CAMTA1: variants seen among roughly 807,000 people sequenced by gnomAD.
CAMTA1 encodes calmodulin-binding transcription activator 1.
CAMTA1 carries 27 observed loss-of-function variants against 170.9 expected under a neutral mutation model. The ratio of observed to expected loss-of-function variants is 0.16; its 90% CI spans 0.12 to 0.22. The LOEUF is 0.22. Ranked by LOEUF, CAMTA1 falls within the 10% of genes least tolerant of loss-of-function variation. The pLI, the probability that CAMTA1 is intolerant of heterozygous loss-of-function variation, is 1.00. For missense variants in CAMTA1, 1,619 were observed against 2,217.2 expected, an observed-to-expected ratio of 0.73 and a Z score of 5.42; for synonymous variants, 833 against 891.5, an observed-to-expected ratio of 0.93 and a Z score of 1.17.
chr1:6,840,620 C>A (rs951136425), intron 3 of CAMTA1, among the ~76,000 whole-genome samples: 3 of 152,144 alleles, frequency 2.0e-5, no homozygotes, highest in African/African-American at 7.2e-5. Context: ...GAATAGGCAA[C>A]TTCCATAAGT....
chr1:7,664,065 G>A lies in CAMTA1; in HGVS notation c.1518G>A (p.Glu506=), dbSNP rs753608160. 4.3e-6 allele frequency: 7 copies of A among 1,613,778 alleles called. No homozygotes were observed. The East Asian group carries it at 1.6e-4, about 36-fold the overall frequency. Reference sequence around the variant, plus strand: ...ACGGGGGTGGAGGCCTGAAAGCCGAGATGGTCAGCTCCAACATCCGGCACT... The same window carrying A: ...ACGGGGGTGGAGGCCTGAAAGCCGAAATGGTCAGCTCCAACATCCGGCACT... ...QTYGGGGLKA[E]MVSSNIRHSP... The change falls in exon 9 of 23, where the codon GAG becomes GAA. Residue 506 remains glutamate (E), a synonymous_variant. Coordinates refer to ENST00000303635, the MANE Select transcript of CAMTA1 (RefSeq NM_015215.4).
At chr1:7,369,061 G>A (rs2086236798) in intron 5 of CAMTA1, 1 of 152,346 alleles carries the variant, frequency 6.6e-6, no homozygotes, top group Non-Finnish European at 1.5e-5. Context: ...CCAGGTCCTG[G>A]GTGTGGAGGT....
chr1:7,335,927 G>T (rs2083356364), intron 5 of CAMTA1, among the ~76,000 whole-genome samples: 1 of 152,194 alleles, frequency 6.6e-6, no homozygotes, highest in African/African-American at 2.4e-5. Flanking sequence ...TGTCTCAGAG[G>T]CATAATTATT....
chr1:7,035,810 G>T lies in CAMTA1; in HGVS notation c.235-55494G>T, dbSNP rs1268825908. On this transcript the variant is annotated intron_variant, in intron 3 of 22. Coordinates refer to ENST00000303635, the MANE Select transcript of CAMTA1 (RefSeq NM_015215.4). ...TGTGTTAACAACGTTTACACTAATAGAAATTCGGAAACAATTTAAAGTTCA... is the reference window on the plus strand; with the variant it reads ...TGTGTTAACAACGTTTACACTAATATAAATTCGGAAACAATTTAAAGTTCA... Among the ~76,000 whole-genome samples the T allele has an allele frequency of 2.0e-5, 3 of 152,294 alleles. No homozygotes were observed. The East Asian group carries it at 5.8e-4, about 29-fold the overall frequency.
intron 4 of CAMTA1, among the ~76,000 whole-genome samples, chr1:7,140,862 A>G (rs1243412698): frequency 6.6e-6 from 1 of 152,092 alleles, no homozygotes; most frequent in African/African-American, 2.4e-5. Flanking sequence ...TCCAGCTGTA[A>G]AATTATCTGC....
At chr1:7,452,096 A>G (rs74353289) in intron 5 of CAMTA1, among the ~76,000 whole-genome samples, 7,287 of 152,318 alleles carry the variant, frequency 0.048, 213 homozygotes, top group Middle Eastern at 0.092. Flanking sequence ...TGGAGGCCTC[A>G]AGGGCAGGAC....
intron 3 of CAMTA1, among the ~76,000 whole-genome samples, chr1:6,903,383 G>GT (rs1298668752): frequency 6.6e-6 from 1 of 152,144 alleles, no homozygotes; most frequent in Non-Finnish European, 1.5e-5. Context: ...ACATTTTATT[G>GT]TATGTTAATT....
At chr1:7,493,642 CTGGGGGG>C (rs1201503512) in intron 6 of CAMTA1, among the ~76,000 whole-genome samples, 1 of 9,420 alleles carries the variant, frequency 1.1e-4, no homozygotes, top group Non-Finnish European at 1.6e-4. Context: ...CCCCAGGGAA[CTGGGGGG>C]GGGGGGGGGT....
chr1:7,543,901 AG>A (rs1385246804), intron 6 of CAMTA1, among the ~76,000 whole-genome samples: 1 of 152,044 alleles, frequency 6.6e-6, no homozygotes, highest in Non-Finnish European at 1.5e-5. Context: ...TGTCATGGAA[AG>A]GGACAGATTC....
At chr1:7,397,283 G>A (rs1025129689) in intron 5 of CAMTA1, among the ~76,000 whole-genome samples, 1 of 151,786 alleles carries the variant, frequency 6.6e-6, no homozygotes, top group Non-Finnish European at 1.5e-5. Context: ...CCATATAGTT[G>A]TTCATAATAG....
chr1:7,398,191 CTCTATATATATATATATATATATATA>C (rs1298126219), intron 5 of CAMTA1, among the ~76,000 whole-genome samples: 34 of 26,908 alleles, frequency 1.3e-3, no homozygotes, highest in East Asian at 4.9e-3. Context: ...CTCTCTCTCT[CTCTATATATATATATATATATATATA>C]TATATATATA....
intron 5 of CAMTA1, among the ~76,000 whole-genome samples, chr1:7,459,111 C>T (rs2093025097): frequency 6.6e-6 from 1 of 152,170 alleles, no homozygotes; most frequent in African/African-American, 2.4e-5. Context: ...GCCAATGGCA[C>T]GGGTGTCTGA....
rs1033276281 is a variant in CAMTA1, at chr1:7,014,827, G to T, written c.235-76477G>T. Among the ~76,000 whole-genome samples the T allele has an allele frequency of 2.6e-5, 4 of 152,122 alleles. No individual in the cohort carries two copies. The South Asian group carries it at 6.2e-4, about 24-fold the overall frequency. On this transcript the variant is annotated intron_variant, in intron 3 of 22. Transcript: ENST00000303635. This position sits in a 1 kb window ranked among gnomAD's most constrained non-coding sequence, Gnocchi z 4.2. ...CCCTGCAGCATGTCGGGGGCCGGGT[G>T]GGGGAGCGGGTGGTGGCATCAGTGG...
chr1:6,917,733 A>G (rs1681123801), intron 3 of CAMTA1, among the ~76,000 whole-genome samples: 1 of 151,080 alleles, frequency 6.6e-6, no homozygotes, highest in Admixed American at 6.6e-5. Context: ...TAGCCCAGGA[A>G]ATACAGATTT....
chr1:7,604,332 G>A (rs2095469567), intron 6 of CAMTA1, among the ~76,000 whole-genome samples: 1 of 152,232 alleles, frequency 6.6e-6, no homozygotes, highest in African/African-American at 2.4e-5. Flanking sequence ...CAGACGTAGA[G>A]TTGGTCTTTT....
intron 5 of CAMTA1, among the ~76,000 whole-genome samples, chr1:7,284,171 CTTCTTCTTATTATTATTATTATTA>C (rs1474376618): frequency 1.1e-3 from 128 of 115,822 alleles, no homozygotes; most frequent in African/African-American, 4.1e-3. Context: ...TCTTCTTCTT[CTTCTTCTTATTATTATTATTATTA>C]TTATTATTAT....
intron 4 of CAMTA1, among the ~76,000 whole-genome samples, chr1:7,161,037 C>T (rs1452863599): frequency 1.3e-5 from 2 of 152,208 alleles, no homozygotes; most frequent in African/African-American, 2.4e-5. Flanking sequence ...GCTTCTTCCT[C>T]TTCTCCTTGC....
intron 3 of CAMTA1, among the ~76,000 whole-genome samples, chr1:7,079,710 C>T (rs186862816): frequency 1.4e-4 from 21 of 151,918 alleles, no homozygotes; most frequent in African/African-American, 4.1e-4. Context: ...TAACCTCAAG[C>T]GATCCTCCCA....
At chr1:7,714,345 C>T (rs1417262451) in intron 11 of CAMTA1, among the ~76,000 whole-genome samples, 1 of 152,162 alleles carries the variant, frequency 6.6e-6, no homozygotes, top group Non-Finnish European at 1.5e-5. Context: ...GAATGGTCTA[C>T]CTTTAAGCCA....
Sources: gnomAD v4.1 joint callset for allele counts (sites outside exome capture counted in the v4.1 genomes callset) on GRCh38, gnomAD v4.1.1 for gene constraint, Gnocchi (gnomAD v3.1) non-coding constraint, MANE v1.5 for transcripts, NCBI Gene and HGNC (gene_info 2026-07-23, HGNC 2026-07-21) for gene names.